Variants in LATS2 observed in about 807,000 individuals in gnomAD.
LATS2 encodes the protein large tumor suppressor kinase 2, also known as serine/threonine-protein kinase LATS2.
LATS2 carries 24 observed loss-of-function variants against 76.0 expected under a neutral mutation model. That is an observed-to-expected ratio of 0.32 (90% CI 0.23 to 0.44). The LOEUF (loss-of-function observed/expected upper bound fraction) is 0.44. Among genes scored for constraint, LATS2 ranks in the 20% least tolerant of loss-of-function variants. LATS2 has a pLI of 1.00. For missense variants in LATS2, 1,286 were observed against 1,481.2 expected (o/e 0.87, Z 2.16); for synonymous variants, 692 against 635.4 (o/e 1.09, Z -1.34).
intron 7 of LATS2, 66 bp from the exon 8 acceptor site, chr13:20,975,430 GTGA>G: frequency 1.4e-6 from 2 of 1,456,658 alleles, no homozygotes; most frequent in South Asian, 2.8e-5. Context: ...GGGACAGCGT[GTGA>G]TGACGTGACT....
In LATS2 at chr13:20,989,054, T is replaced by A; in HGVS notation, c.726A>T (p.Ala242=). Residue 242 remains alanine (A), a synonymous_variant, in exon 4 of 8, where the codon GCA becomes GCT. Transcript: ENST00000382592. The part of the protein sequence containing the change: ...PKGYGASVEA[A]GAHFPLQGAH... ...CGCCCTGCAGCGGGAAGTGTGCCCC[T>A]GCTGCCTCTACGCTGGCACCGTAGC... The A allele has an allele frequency of 6.3e-7, 1 of 1,577,682 alleles. No homozygotes were observed. The highest frequency in any genetic ancestry group is 8.6e-7 in the Non-Finnish European group (1 of 1,167,016).
chr13:21,043,026 G>A (rs1255560541), intron 2 of LATS2, among the ~76,000 whole-genome samples: 2 of 147,142 alleles, frequency 1.4e-5, no homozygotes, highest in Admixed American at 1.4e-4. Flanking sequence ...AGTGAAAGGG[G>A]TAAAGCTGCA....
intron 1 of LATS2, among the ~76,000 whole-genome samples, chr13:21,053,417 T>C (rs530206319): frequency 6.6e-6 from 1 of 152,002 alleles, no homozygotes; most frequent in South Asian, 2.1e-4. Flanking sequence ...GTGCTTCCTC[T>C]TGAAGAATCT....
Position 20,989,285 on chromosome 13 carries a change from G to T in LATS2, c.495C>A (p.Thr165=). 1 of 1,613,906 alleles carries T rather than the reference G, an allele frequency of 6.2e-7. No individual in the cohort carries two copies. The highest frequency in any genetic ancestry group is 8.5e-7 in the Non-Finnish European group (1 of 1,180,024). ...QTSPGKGLMP[T]PVTRRPSFEG... is the part of the protein sequence containing the mutation. ...CGAAGCTGGGCCTCCGCGTCACTGGGGTTGGCATGAGCCCCTTTCCTGCAG... is the reference window on the plus strand; with the variant it reads ...CGAAGCTGGGCCTCCGCGTCACTGGTGTTGGCATGAGCCCCTTTCCTGCAG... Residue 165 remains threonine, a synonymous_variant, in exon 4 of 8, where the codon ACC becomes ACA. Transcript: ENST00000382592.
intron 2 of LATS2, among the ~76,000 whole-genome samples, chr13:21,010,308 C>A (rs1464369663): frequency 6.6e-6 from 1 of 152,108 alleles, no homozygotes; most frequent in African/African-American, 2.4e-5. Context: ...TCCTCCCCTG[C>A]CAACCCCCAC....
At chr13:21,021,996 T>G (rs1001058896) in intron 2 of LATS2, among the ~76,000 whole-genome samples, 8 of 152,208 alleles carry the variant, frequency 5.3e-5, no homozygotes, top group Non-Finnish European at 1.0e-4. Context: ...GATTTTTTTT[T>G]TGTGACTGAA....
At chr13:21,060,934 G>A (rs1025558499) in intron 1 of LATS2, among the ~76,000 whole-genome samples, 45 of 151,368 alleles carry the variant, frequency 3.0e-4, no homozygotes, top group African/African-American at 9.9e-4. Flanking sequence ...CGGAAGCAGA[G>A]GCGCGCCCGG....
At chr13:21,054,862 G>C (rs1873400816) in intron 1 of LATS2, among the ~76,000 whole-genome samples, 1 of 152,150 alleles carries the variant, frequency 6.6e-6, no homozygotes, top group African/African-American at 2.4e-5. Flanking sequence ...CTACCACCTG[G>C]TTTTGTTTGG....
At chr13:21,044,024 T>C (rs1413464730) in intron 2 of LATS2, among the ~76,000 whole-genome samples, 3 of 152,360 alleles carry the variant, frequency 2.0e-5, no homozygotes, top group African/African-American at 7.2e-5. Flanking sequence ...TGGCAGCATA[T>C]TTAACTTCAT....
intron 1 of LATS2, among the ~76,000 whole-genome samples, chr13:21,051,958 A>G (rs1483404381): frequency 6.6e-6 from 1 of 152,162 alleles, no homozygotes; most frequent in Admixed American, 6.5e-5. Flanking sequence ...CCCTGTTTAA[A>G]AAGCACAGGG....
intron 1 of LATS2, among the ~76,000 whole-genome samples, chr13:21,060,155 C>A (rs1015272758): frequency 9.2e-5 from 14 of 152,202 alleles, no homozygotes; most frequent in Admixed American, 2.0e-4. Context: ...TTCCTCGCCT[C>A]GCCCCCCGTT....
intron 1 of LATS2, among the ~76,000 whole-genome samples, chr13:21,054,083 T>TA (rs759055573): frequency 5.9e-5 from 9 of 152,200 alleles, no homozygotes; most frequent in Admixed American, 1.3e-4. Context: ...CCTCAATTTT[T>TA]AAAAATGGGG....
At chr13:21,060,459 T>G (rs1873598044) in intron 1 of LATS2, among the ~76,000 whole-genome samples, 1 of 152,164 alleles carries the variant, frequency 6.6e-6, no homozygotes, top group Non-Finnish European at 1.5e-5. Flanking sequence ...CTCCTGCGCC[T>G]CGGGCCGCGT....
At chr13:21,018,918 T>C (rs1031523646) in intron 2 of LATS2, among the ~76,000 whole-genome samples, 1 of 152,200 alleles carries the variant, frequency 6.6e-6, no homozygotes, top group African/African-American at 2.4e-5. Flanking sequence ...AGTGCTGGGA[T>C]TACAGGTGTG....
At chr13:21,035,354 G>A (rs1296510911) in intron 2 of LATS2, among the ~76,000 whole-genome samples, 2 of 151,886 alleles carry the variant, frequency 1.3e-5, no homozygotes, top group African/African-American at 4.8e-5. Context: ...CTATTTCCTT[G>A]TTGGTTTTTC....
intron 5 of LATS2, among the ~76,000 whole-genome samples, chr13:20,982,813 G>T (rs1438076932): frequency 2.7e-5 from 4 of 148,788 alleles, no homozygotes; most frequent in Non-Finnish European, 4.5e-5. Flanking sequence ...CCAACACGGA[G>T]AAACCCCGTC....
rs754913744 is a variant in LATS2 at position 21,017,610 on chromosome 13, A to G, written c.343-26206T>C. Among the ~76,000 whole-genome samples the G allele has an allele frequency of 1.3e-3, 191 of 142,362 alleles. 5 individuals are homozygous for G. Among genetic ancestry groups the G allele is most frequent in the Non-Finnish European group, 9.7e-4 (64 of 66,206 alleles). The allele number at this position is 142,362 out of a possible 152,430, so 93.4% of individuals were successfully genotyped here. A position where few individuals can be genotyped will look rare whatever the true frequency, so the allele number is the denominator to read the frequency against. On this transcript the variant is annotated intron_variant, in intron 2 of 7. Coordinates refer to ENST00000382592, the MANE Select transcript of LATS2 (RefSeq NM_014572.3). ...GCAACCAGTGCCTTCCCTTCAAAAG[A>G]TGACTCATTTCTTTCTTTTTTTTTT... is the stretch of plus-strand genomic sequence containing the variant.
At chr13:21,037,503 T>G (rs1872721658) in intron 2 of LATS2, among the ~76,000 whole-genome samples, 1 of 152,186 alleles carries the variant, frequency 6.6e-6, no homozygotes, top group East Asian at 1.9e-4. Flanking sequence ...CTGTTAGGTG[T>G]TTTTGAGAGC....
At chr13:21,020,524 GA>G (rs5802099) in intron 2 of LATS2, among the ~76,000 whole-genome samples, 62,973 of 151,962 alleles carry the variant, frequency 0.41, 14,873 homozygotes, top group African/African-American at 0.63. Flanking sequence ...ACTTACTAAG[GA>G]AATGTTAAGG....
Sources: allele counts gnomAD v4.1 joint callset (sites outside exome capture counted in the v4.1 genomes callset), GRCh38; gene constraint gnomAD v4.1.1; transcripts MANE v1.5; gene names NCBI Gene and HGNC (gene_info 2026-07-23, HGNC 2026-07-21).